The following PIEZO2 variants were observed in gnomAD, a reference collection of about 807,000 sequenced individuals.
The protein encoded by PIEZO2 is piezo type mechanosensitive ion channel component 2, also known as piezo-type mechanosensitive ion channel component 2.
In PIEZO2, 172 loss-of-function variants were observed where a neutral mutation model predicts 337.3. The observed-to-expected ratio is 0.51, with a 90% CI of 0.45 to 0.58. The LOEUF (loss-of-function observed/expected upper bound fraction) is 0.58, where lower values mean the gene tolerates loss of function less well. Among genes scored for constraint, PIEZO2 ranks in the 20% least tolerant of loss-of-function variants. The probability of loss-of-function intolerance (pLI) is 0.00; values close to 1 mark genes in which losing one functional copy is unlikely to be tolerated. For missense variants in PIEZO2, 3,028 were observed against 3,391.3 expected (o/e 0.89, Z 2.66); for synonymous variants, 1,251 against 1,228.5 (o/e 1.02, Z -0.38).
In PIEZO2 at chr18:10,682,322, G is replaced by A. The variant is rs2034301484; in HGVS notation, c.7498-30C>T. On this transcript the variant is annotated intron_variant, in intron 49 of 55. Coordinates refer to ENST00000674853, the MANE Select transcript of PIEZO2 (RefSeq NM_001378183.1). This position sits in a 1 kb window ranked among gnomAD's most constrained non-coding sequence, Gnocchi z 5.6. ...AACAGAGAGTTCAGACAAGGCTCAGGCTCAGGCTCAGGTGCTTTCCCGCAG... is the reference window on the plus strand; with the variant it reads ...AACAGAGAGTTCAGACAAGGCTCAGACTCAGGCTCAGGTGCTTTCCCGCAG... The A allele has an allele frequency of 1.3e-6, 2 of 1,512,344 alleles. No homozygotes were observed. The highest frequency in any genetic ancestry group is 1.4e-5 in the African/African-American group (1 of 72,628). 93.7% of individuals were successfully genotyped at this position (1,512,344 alleles called of 1,614,324 possible).
intron 2 of PIEZO2, among the ~76,000 whole-genome samples, chr18:11,044,158 A>G (rs2037219038): frequency 8.7e-6 from 1 of 115,352 alleles, no homozygotes; most frequent in Admixed American, 8.9e-5. Flanking sequence ...ATACTAATAT[A>G]CTATATATAT....
At chr18:10,937,776 T>A (rs1408394216) in intron 3 of PIEZO2, among the ~76,000 whole-genome samples, 1 of 152,058 alleles carries the variant, frequency 6.6e-6, no homozygotes, top group African/African-American at 2.4e-5. Flanking sequence ...GTCCTAGGAG[T>A]CCTTTTCACA....
rs2036569336 is a variant in PIEZO2, at chr18:11,027,058, A to C, written c.160+39069T>G. Among the ~76,000 whole-genome samples the C allele has an allele frequency of 6.6e-6, 1 of 152,248 alleles. No homozygotes were observed. Among genetic ancestry groups the C allele is most frequent in the Non-Finnish European group, 1.5e-5 (1 of 68,032 alleles). ...TATTTTATAAGCCAATTCATATGAA[A>C]TGTCACAGAGCAGTCAATTCTAAAC... On this transcript the variant is annotated intron_variant, in intron 2 of 55. Transcript: ENST00000674853. This position sits in a 1 kb window ranked among gnomAD's most constrained non-coding sequence, Gnocchi z 4.2.
chr18:10,699,341 G>A (rs1334601089), intron 43 of PIEZO2, among the ~76,000 whole-genome samples, 164 bp from the exon 44 acceptor site: 2 of 152,202 alleles, frequency 1.3e-5, no homozygotes, highest in Non-Finnish European at 2.9e-5. Context: ...CCCACATGTT[G>A]TGGGAGAGAC....
At chr18:11,103,564 C>A (rs1180480446) in intron 1 of PIEZO2, among the ~76,000 whole-genome samples, 1 of 152,168 alleles carries the variant, frequency 6.6e-6, no homozygotes, top group African/African-American at 2.4e-5. Context: ...AAGGCTTAAG[C>A]CTTTTATAAC....
chr18:10,691,488 C>T, intron 47 of PIEZO2, 105 bp from the exon 48 acceptor site: 2 of 1,167,824 alleles, frequency 1.7e-6, no homozygotes, highest in African/African-American at 1.5e-5. Flanking sequence ...TCCCCTTCAT[C>T]ATTCCAACTC....
intron 50 of PIEZO2, 47 bp from the exon 51 acceptor site, chr18:10,681,800 C>T (rs2034278727): frequency 1.4e-6 from 2 of 1,457,508 alleles, no homozygotes; most frequent in Admixed American, 3.4e-5. Context: ...CAGCTCTTCT[C>T]TGCATCCTGA....
intron 2 of PIEZO2, among the ~76,000 whole-genome samples, chr18:10,992,418 G>A (rs2035145310): frequency 6.6e-6 from 1 of 152,192 alleles, no homozygotes; most frequent in Non-Finnish European, 1.5e-5. Flanking sequence ...CAAGGTGTAA[G>A]GAAGGGGTCC....
intron 7 of PIEZO2, among the ~76,000 whole-genome samples, chr18:10,823,087 T>TGCCAGTA (rs2040568243): frequency 6.6e-6 from 1 of 152,222 alleles, no homozygotes; most frequent in Non-Finnish European, 1.5e-5. Flanking sequence ...TTAGAGCTAT[T>TGCCAGTA]GCCAGTAACA....
chr18:10,828,248 A>T lies in PIEZO2; in HGVS notation c.918-20974T>A, dbSNP rs373055388. Among the ~76,000 whole-genome samples, 8 of 152,232 alleles carry T rather than the reference A, an allele frequency of 5.3e-5. No homozygotes were observed. The East Asian group carries it at 1.5e-3, about 29-fold the overall frequency. On this transcript the variant is annotated intron_variant, in intron 7 of 55. Transcript: ENST00000674853. This position sits in a 1 kb window ranked among gnomAD's most constrained non-coding sequence, Gnocchi z 4.1. ...GGATGTTGAAGTACTATTTGATAGAAAATTTTCCCTATCTTCTTAAAAGCT... is the reference window on the plus strand; with the variant it reads ...GGATGTTGAAGTACTATTTGATAGATAATTTTCCCTATCTTCTTAAAAGCT...
intron 7 of PIEZO2, among the ~76,000 whole-genome samples, chr18:10,825,342 T>G (rs72988041): frequency 6.6e-6 from 1 of 151,878 alleles, no homozygotes; most frequent in Non-Finnish European, 1.5e-5. Flanking sequence ...TTTGCTTTGT[T>G]TGTTTTCTCA....
chr18:11,092,650 G>A lies in PIEZO2; in HGVS notation c.65-26428C>T, dbSNP rs982001016. The stretch of plus-strand genomic sequence containing the variant: ...CCAAGAATAAATGTAATTGGACAAG[G>A]CAACCTGATCCAAACCTTGGATCCT... On this transcript the variant is annotated intron_variant, in intron 1 of 55. Transcript: ENST00000674853. The surrounding 1 kb of genome is among the most constrained non-coding windows in gnomAD (Gnocchi z 4.5). Among the ~76,000 whole-genome samples the A allele has an allele frequency of 6.6e-6, 1 of 152,098 alleles. No individual in the cohort carries two copies. Among genetic ancestry groups the A allele is most frequent in the African/African-American group, 2.4e-5 (1 of 41,406 alleles).
At chr18:10,922,709 C>T (rs1293897534) in intron 3 of PIEZO2, among the ~76,000 whole-genome samples, 1 of 151,934 alleles carries the variant, frequency 6.6e-6, no homozygotes, top group Non-Finnish European at 1.5e-5. Context: ...GGCAGGCAGG[C>T]AGGGAGTTCA....
At chr18:11,130,714 G>A (rs2040316718) in intron 1 of PIEZO2, among the ~76,000 whole-genome samples, 1 of 152,190 alleles carries the variant, frequency 6.6e-6, no homozygotes, top group South Asian at 2.1e-4. Context: ...GGCCTGTCTA[G>A]ATATTCCTTC....
chr18:10,724,995 A>G lies in PIEZO2; in HGVS notation c.5029+6412T>C. The G allele has an allele frequency of 6.3e-7, 1 of 1,586,384 alleles. No individual in the cohort carries two copies. Among genetic ancestry groups the G allele is most frequent in the South Asian group, 1.1e-5 (1 of 89,124 alleles). ...CCCTGCCTCACATTACTAAGACTCA[A>G]AGCGATGCAGGCCATAGTGCCAGCA... is the stretch of plus-strand genomic sequence containing the variant. On this transcript the variant is annotated intron_variant, in intron 36 of 55. Transcript: ENST00000674853. The surrounding 1 kb of genome is among the most constrained non-coding windows in gnomAD (Gnocchi z 5.8).
Position 10,696,434 on chromosome 18 carries a change from A to G in PIEZO2, c.6933T>C (p.Thr2311=), listed in dbSNP as rs2143684796. 1 of 1,614,260 alleles carries G rather than the reference A, an allele frequency of 6.2e-7. No individual in the cohort carries two copies. Among genetic ancestry groups the G allele is most frequent in the Non-Finnish European group, 8.5e-7 (1 of 1,180,048 alleles). ...DVYVLMFLAD[T]VDFIIIVFGF... Reference sequence around the variant, plus strand: ...CGAAGACAATGATGATGAAGTCCACAGTGTCAGCCAGGAACATGAGTACAT... The same window carrying G: ...CGAAGACAATGATGATGAAGTCCACGGTGTCAGCCAGGAACATGAGTACAT... The change falls in exon 46 of 56, where the codon ACT becomes ACC. Residue 2311 remains threonine (T), a synonymous_variant. Transcript: ENST00000674853.
rs531431658 is a variant in PIEZO2 at position 10,833,662 on chromosome 18, G to A, written c.917+21691C>T. ...GTACAGTTCCAATCTGTGTCTACCC[G>A]CAGGCTTCACCCAAGCCCTCTCAGC... On this transcript the variant is annotated intron_variant, in intron 7 of 55. Transcript: ENST00000674853. The surrounding 1 kb of genome is among the most constrained non-coding windows in gnomAD (Gnocchi z 4.7). Among the ~76,000 whole-genome samples the A allele has an allele frequency of 2.2e-4, 33 of 152,284 alleles. No individual in the cohort carries two copies. Among genetic ancestry groups the A allele is most frequent in the African/African-American group, 7.2e-4 (30 of 41,554 alleles).
At chr18:10,976,986 A>G (rs1226673153) in intron 3 of PIEZO2, among the ~76,000 whole-genome samples, 1 of 141,906 alleles carries the variant, frequency 7.0e-6, no homozygotes, top group Non-Finnish European at 1.5e-5. Flanking sequence ...AGAAGGAGCC[A>G]AAGCAAGAAC....
intron 44 of PIEZO2, among the ~76,000 whole-genome samples, chr18:10,698,431 G>A (rs916865739): frequency 2.0e-5 from 3 of 152,150 alleles, no homozygotes; most frequent in Non-Finnish European, 2.9e-5. Flanking sequence ...AAAGCCTAGT[G>A]ATTCCAAGAG....
Sources: allele counts gnomAD v4.1 joint callset (sites outside exome capture counted in the v4.1 genomes callset), GRCh38; gene constraint gnomAD v4.1.1; non-coding constraint Gnocchi (gnomAD v3.1); transcripts MANE v1.5; gene names NCBI Gene and HGNC (gene_info 2026-07-23, HGNC 2026-07-21).